RBFOX1: variants seen among roughly 807,000 people sequenced by gnomAD.
RBFOX1 encodes the protein RNA binding protein fox-1 homolog 1.
A neutral mutation model predicts 57.7 loss-of-function variants in RBFOX1; 8 were observed. That is an observed-to-expected ratio of 0.14 (90% CI 0.08 to 0.25). The LOEUF (loss-of-function observed/expected upper bound fraction) is 0.25. RBFOX1 is among the 10% of genes least tolerant of loss of function. The probability of loss-of-function intolerance (pLI) is 1.00; values close to 1 mark genes in which losing one functional copy is unlikely to be tolerated. For missense variants in RBFOX1, 611 were observed against 548.5 expected, an observed-to-expected ratio of 1.11 and a Z score of -1.14; for synonymous variants, 326 against 222.4, an observed-to-expected ratio of 1.47 and a Z score of -4.15.
intron 4 of RBFOX1, among the ~76,000 whole-genome samples, chr16:7,397,628 C>T (rs1034104569): frequency 3.9e-5 from 6 of 152,108 alleles, no homozygotes; most frequent in Non-Finnish European, 5.9e-5. Flanking sequence ...ACATCACAAG[C>T]GTTGGGACTC....
chr16:5,864,138 G>A (rs2057290466), intron 3 of RBFOX1, among the ~76,000 whole-genome samples: 2 of 152,072 alleles, frequency 1.3e-5, no homozygotes, highest in South Asian at 4.1e-4. Context: ...CCAACTTCTA[G>A]GTGAGGATAT....
At chr16:6,002,314 G>C (rs200946501) in intron 4 of RBFOX1, among the ~76,000 whole-genome samples, 1 of 152,120 alleles carries the variant, frequency 6.6e-6, no homozygotes, top group Non-Finnish European at 1.5e-5. Flanking sequence ...TTTTGTCCTA[G>C]ATTAACAGGC....
chr16:7,396,888 C>T (rs1374830208), intron 4 of RBFOX1, among the ~76,000 whole-genome samples: 3 of 152,066 alleles, frequency 2.0e-5, no homozygotes, highest in African/African-American at 7.2e-5. Flanking sequence ...TTGCAGTGAG[C>T]CTAGAAGATG....
At chr16:7,256,479 C>T (rs549521095) in intron 4 of RBFOX1, among the ~76,000 whole-genome samples, 8 of 152,258 alleles carry the variant, frequency 5.3e-5, no homozygotes, top group Admixed American at 4.6e-4. Flanking sequence ...ACCAAGGAGC[C>T]TTTTTAGACC....
chr16:6,066,346 G>T (rs1230184787), intron 1 of RBFOX1, among the ~76,000 whole-genome samples: 2 of 137,626 alleles, frequency 1.5e-5, no homozygotes, highest in Non-Finnish European at 3.1e-5. Flanking sequence ...TGGCAGTTGA[G>T]AGGGTAAATA....
At chr16:6,693,986 A>G (rs1054008712) in intron 3 of RBFOX1, among the ~76,000 whole-genome samples, 41 of 152,270 alleles carry the variant, frequency 2.7e-4, no homozygotes, top group African/African-American at 9.6e-4. Context: ...CAAGGTAACT[A>G]TAAAGATTAC....
chr16:7,436,457 T>A (rs2098722069), intron 4 of RBFOX1, among the ~76,000 whole-genome samples: 2 of 152,208 alleles, frequency 1.3e-5, no homozygotes, highest in South Asian at 4.1e-4. Flanking sequence ...ATCAGATCAC[T>A]GTCAAACACA....
intron 4 of RBFOX1, among the ~76,000 whole-genome samples, chr16:5,975,841 ATAAT>A (rs1377689466): frequency 6.6e-6 from 1 of 152,222 alleles, no homozygotes; most frequent in African/African-American, 2.4e-5. Context: ...CTCAGTCAAA[ATAAT>A]TAATATTTTT....
chr16:6,796,690 A>T (rs191201033), intron 3 of RBFOX1, among the ~76,000 whole-genome samples: 1 of 152,274 alleles, frequency 6.6e-6, no homozygotes, highest in African/African-American at 2.4e-5. Flanking sequence ...ACCAATTGGT[A>T]AGAGATTCTT....
intron 3 of RBFOX1, among the ~76,000 whole-genome samples, chr16:6,864,989 C>CTTTTTTTTT (rs1555544471): frequency 1.9e-5 from 2 of 105,806 alleles, no homozygotes; most frequent in African/African-American, 7.5e-5. Context: ...GTGGGTTTTT[C>CTTTTTTTTT]TTTTTCTTTT....
intron 13 of RBFOX1, chr16:7,671,487 C>T: frequency 7.2e-7 from 1 of 1,397,082 alleles, no homozygotes; most frequent in Non-Finnish European, 1.0e-6. Flanking sequence ...TGGAATTTGT[C>T]TGACTTATGC....
intron 5 of RBFOX1, chr16:7,519,809 AT>A (rs1341706033): frequency 1.2e-6 from 1 of 807,556 alleles, no homozygotes. Flanking sequence ...ATTTCCTGTG[AT>A]AAAAGAAAAC....
chr16:6,124,419 A>G (rs1165560909), intron 1 of RBFOX1, among the ~76,000 whole-genome samples: 1 of 152,146 alleles, frequency 6.6e-6, no homozygotes, highest in Admixed American at 6.6e-5. Context: ...AAATGAGCCT[A>G]AGATGACCCC....
intron 4 of RBFOX1, among the ~76,000 whole-genome samples, chr16:7,141,903 T>A (rs1300298960): frequency 1.3e-5 from 2 of 152,218 alleles, no homozygotes; most frequent in African/African-American, 4.8e-5. Context: ...TGGAAATTCA[T>A]AAATCTGTCA....
intron 3 of RBFOX1, among the ~76,000 whole-genome samples, chr16:6,698,254 G>C (rs1450914139): frequency 2.0e-5 from 3 of 152,128 alleles, no homozygotes; most frequent in Non-Finnish European, 4.4e-5. Flanking sequence ...ACAGCATTAA[G>C]ATGTCCACAG....
At chr16:6,462,673 C>T (rs2094947308) in intron 2 of RBFOX1, among the ~76,000 whole-genome samples, 3 of 152,018 alleles carry the variant, frequency 2.0e-5, no homozygotes, top group Non-Finnish European at 4.4e-5. Flanking sequence ...TTTTTAATTT[C>T]AACAAATATT....
chr16:7,303,732 A>G (rs1034435864), intron 4 of RBFOX1, among the ~76,000 whole-genome samples: 7 of 140,214 alleles, frequency 5.0e-5, no homozygotes, highest in East Asian at 4.4e-4. Context: ...CTCTCTTTCA[A>G]TCTCTCTCTC....
intron 1 of RBFOX1, among the ~76,000 whole-genome samples, chr16:5,411,241 G>T (rs1050458133): frequency 6.6e-6 from 1 of 152,226 alleles, no homozygotes. Context: ...GACTTTGCAT[G>T]TATGATTAAA....
intron 4 of RBFOX1, among the ~76,000 whole-genome samples, chr16:7,216,912 A>G (rs572550169): frequency 1.2e-3 from 178 of 152,066 alleles, no homozygotes; most frequent in African/African-American, 3.9e-3. Flanking sequence ...CCCATTTTAT[A>G]CCCAAGGAAA....
Sources: allele counts gnomAD v4.1 joint callset (sites outside exome capture counted in the v4.1 genomes callset), GRCh38; gene constraint gnomAD v4.1.1; transcripts MANE v1.5; gene names NCBI Gene and HGNC (gene_info 2026-07-23, HGNC 2026-07-21).